The following UNC79 variants were observed in gnomAD, a reference collection of about 807,000 sequenced individuals.
UNC79 encodes the protein unc-79 subunit of NALCN channel complex.
A neutral mutation model predicts 283.1 loss-of-function variants in UNC79; 37 were observed. That is an observed-to-expected ratio of 0.13 (90% confidence interval 0.10 to 0.17). The LOEUF is 0.17. UNC79 is among the 10% of genes least tolerant of loss of function. The pLI, the probability that UNC79 is intolerant of heterozygous loss-of-function variation, is 1.00. For synonymous variants in UNC79, 1,107 were observed against 1,200.2 expected (o/e 0.92, Z 1.61); for missense variants, 2,272 against 3,211.1 (o/e 0.71, Z 7.07).
At chr14:93,445,553 T>C (rs1325710703) in intron 1 of UNC79, among the ~76,000 whole-genome samples, 1 of 152,250 alleles carries the variant, frequency 6.6e-6, no homozygotes, top group Non-Finnish European at 1.5e-5. Context: ...TCATGAGATA[T>C]ACTGGTCTGT....
intron 1 of UNC79, among the ~76,000 whole-genome samples, chr14:93,394,351 C>CTTTTATTTTATTTTA (rs58906082): frequency 0.077 from 9,542 of 124,672 alleles, 499 homozygotes; most frequent in Middle Eastern, 0.13. Flanking sequence ...ATGCAATTGT[C>CTTTTATTTTATTTTA]TTTTATTTTA....
At chr14:93,620,209 G>C (rs1023278336) in intron 29 of UNC79, among the ~76,000 whole-genome samples, 1 of 152,172 alleles carries the variant, frequency 6.6e-6, no homozygotes, top group Non-Finnish European at 1.5e-5. Flanking sequence ...TCAGAGAAGA[G>C]TCTTACTTTA....
At chr14:93,422,414 A>G (rs2055620416) in intron 1 of UNC79, among the ~76,000 whole-genome samples, 1 of 152,156 alleles carries the variant, frequency 6.6e-6, no homozygotes, top group Non-Finnish European at 1.5e-5. Flanking sequence ...ATAGATTATA[A>G]GTGTTTCTTA....
chr14:93,579,316 C>T (rs1423573720), intron 18 of UNC79, among the ~76,000 whole-genome samples: 1 of 152,108 alleles, frequency 6.6e-6, no homozygotes, highest in Non-Finnish European at 1.5e-5. Context: ...TTTGTAACTA[C>T]CTTATGGATT....
At chr14:93,349,567 C>T (rs934864793) in intron 1 of UNC79, among the ~76,000 whole-genome samples, 1 of 152,172 alleles carries the variant, frequency 6.6e-6, no homozygotes, top group African/African-American at 2.4e-5. Flanking sequence ...AACTTTCTTC[C>T]CTTTTATGGG....
exon 41 of UNC79, chr14:93,673,355 G>C: frequency 6.2e-7 from 1 of 1,611,552 alleles, no homozygotes; most frequent in Non-Finnish European, 8.5e-7. Flanking sequence ...CTTTAGGAAC[G>C]AGATAAATTC....
chr14:93,469,124 G>C (rs2057368716), intron 2 of UNC79, among the ~76,000 whole-genome samples: 1 of 152,164 alleles, frequency 6.6e-6, no homozygotes, highest in African/African-American at 2.4e-5. Flanking sequence ...ATCCTAGTTG[G>C]CACCTCAGAG....
chr14:93,577,826 C>A lies in UNC79; in HGVS notation c.2212-16C>A. On this transcript the variant is annotated splice_polypyrimidine_tract_variant and intron_variant, in intron 17 of 48. Transcript: ENST00000555664. ...TCTGTGAGTTCATTTCTATGTGTTG[C>A]CATTCTTTCTTGTAGGTGAGTGTTG... 4 of 1,611,708 alleles carry A rather than the reference C, an allele frequency of 2.5e-6. No individual in the cohort carries two copies. Among genetic ancestry groups the A allele is most frequent in the Non-Finnish European group, 3.4e-6 (4 of 1,178,454 alleles).
At chr14:93,576,088 C>T (rs915841343) in intron 17 of UNC79, among the ~76,000 whole-genome samples, 2 of 152,310 alleles carry the variant, frequency 1.3e-5, no homozygotes, top group Middle Eastern at 3.4e-3. Context: ...TTGTGTAGCA[C>T]TTTATTCTGT....
intron 14 of UNC79, among the ~76,000 whole-genome samples, chr14:93,559,318 G>C (rs2062396510): frequency 6.6e-6 from 1 of 152,254 alleles, no homozygotes; most frequent in Admixed American, 6.5e-5. Flanking sequence ...CAACGGCCAA[G>C]ACTCAGTTAT....
rs554999053 is a variant in UNC79, at chr14:93,485,184, ATGTATATATATG to A, written c.620-2455_620-2444del. ...CTTGTCCCAAAACAAGAATATATAT[ATGTATATATATG>A]TGTATATATATGTGTATATATATAT... is the stretch of plus-strand genomic sequence containing the variant. On this transcript the variant is annotated intron_variant, in intron 4 of 48. Coordinates refer to ENST00000555664, the Ensembl canonical transcript of UNC79. Among the ~76,000 whole-genome samples, 1,245 of 149,522 alleles carry A rather than the reference ATGTATATATATG, an allele frequency of 8.3e-3. 10 individuals are homozygous for A. The highest frequency in any genetic ancestry group is 0.043 in the East Asian group (217 of 5,102).
At chr14:93,597,336 T>TTTA in intron 23 of UNC79, 23 bp from the exon 24 acceptor site, 1 of 1,611,518 alleles carries the variant, frequency 6.2e-7, no homozygotes, top group Admixed American at 1.7e-5. Context: ...TTTACGTATT[T>TTTA]TGCCTTCTCT....
At chr14:93,404,493 A>AAATAT in intron 1 of UNC79, among the ~76,000 whole-genome samples, 5 of 61,512 alleles carry the variant, frequency 8.1e-5, no homozygotes, top group African/African-American at 3.3e-4. Context: ...TTCTAAAAAA[A>AAATAT]ATATATATAT....
intron 41 of UNC79, among the ~76,000 whole-genome samples, chr14:93,674,258 C>T (rs183976682): frequency 6.6e-5 from 10 of 152,216 alleles, no homozygotes; most frequent in African/African-American, 1.7e-4. Context: ...GGGTCACAAA[C>T]GACTGGAGGG....
chr14:93,657,169 C>A (rs1321598175), intron 38 of UNC79, among the ~76,000 whole-genome samples: 1 of 152,004 alleles, frequency 6.6e-6, no homozygotes, highest in Non-Finnish European at 1.5e-5. Context: ...CTGAATAAAT[C>A]CAAGCAAGAA....
At chr14:93,360,106 G>C (rs1221232713) in intron 1 of UNC79, among the ~76,000 whole-genome samples, 1 of 152,064 alleles carries the variant, frequency 6.6e-6, no homozygotes, top group Non-Finnish European at 1.5e-5. Flanking sequence ...TGGGTCCCTG[G>C]TCTCATCCTG....
chr14:93,656,336 G>A (rs781040454), intron 38 of UNC79, among the ~76,000 whole-genome samples: 7 of 152,146 alleles, frequency 4.6e-5, no homozygotes, highest in South Asian at 4.1e-4. Flanking sequence ...AGGGCATAGC[G>A]GCTCATGCCT....
chr14:93,470,254 C>T (rs903166247), intron 2 of UNC79, among the ~76,000 whole-genome samples: 9 of 152,000 alleles, frequency 5.9e-5, no homozygotes, highest in African/African-American at 1.2e-4. Context: ...AGCAATAGTT[C>T]GTGGTATTTG....
intron 5 of UNC79, among the ~76,000 whole-genome samples, chr14:93,495,898 T>G (rs1444820495): frequency 6.6e-6 from 1 of 152,200 alleles, no homozygotes; most frequent in East Asian, 1.9e-4. Context: ...GAACTGATGA[T>G]GAAATTATAA....
Sources: gnomAD v4.1 joint callset for allele counts (sites outside exome capture counted in the v4.1 genomes callset) on GRCh38, gnomAD v4.1.1 for gene constraint, MANE v1.5 for transcripts, NCBI Gene and HGNC (gene_info 2026-07-23, HGNC 2026-07-21) for gene names.